Variants in CUX1 observed in about 807,000 individuals in gnomAD.
The protein encoded by CUX1 is cut like homeobox 1, also known as protein CASP.
Under a neutral mutation model 158.8 loss-of-function variants are expected in CUX1, and 31 were observed. The observed-to-expected ratio is 0.20, with a 90% CI of 0.15 to 0.26. CUX1 has a LOEUF of 0.26. CUX1 is among the 10% of genes least tolerant of loss of function. The pLI, the probability that CUX1 is intolerant of heterozygous loss-of-function variation, is 1.00. For missense variants in CUX1, 1,589 were observed against 2,014.6 expected, an observed-to-expected ratio of 0.79 and a Z score of 4.04; for synonymous variants, 879 against 862.1, an observed-to-expected ratio of 1.02 and a Z score of -0.34.
chr7:102,222,286 TTAAAA>T (rs1554527234), intron 20 of CUX1, among the ~76,000 whole-genome samples: 1 of 151,840 alleles, frequency 6.6e-6, no homozygotes, highest in African/African-American at 2.4e-5. Context: ...TCAAAAAAAA[TTAAAA>T]TGAGAGTGAA....
intron 1 of CUX1, among the ~76,000 whole-genome samples, chr7:101,880,429 T>A (rs1584864756): frequency 6.6e-6 from 1 of 152,204 alleles, no homozygotes; most frequent in South Asian, 2.1e-4. Context: ...ATCGGCCTCA[T>A]AAAGAAACAG....
At chr7:102,019,296 C>T (rs1202393100) in intron 2 of CUX1, among the ~76,000 whole-genome samples, 4 of 151,968 alleles carry the variant, frequency 2.6e-5, no homozygotes, top group East Asian at 3.9e-4. Flanking sequence ...GGCACAATCT[C>T]GGCTCACTGC....
chr7:102,201,276 C>T lies in CUX1; in HGVS notation c.2063-84C>T. 1 of 1,541,408 alleles carries T rather than the reference C, an allele frequency of 6.5e-7. No homozygotes were observed. The highest frequency in any genetic ancestry group is 1.2e-5 in the South Asian group (1 of 81,068). Reference sequence around the variant, plus strand: ...GTTCTCCCAAATAACCCACACTTTGCAGTAGGTCAAGTTAGGATGAGAAGC... The same window carrying T: ...GTTCTCCCAAATAACCCACACTTTGTAGTAGGTCAAGTTAGGATGAGAAGC... On this transcript the variant is annotated intron_variant, in intron 17 of 23. Coordinates refer to ENST00000292535, the MANE Select transcript of CUX1 (RefSeq NM_181552.4). The surrounding 1 kb of genome is among the most constrained non-coding windows in gnomAD (Gnocchi z 5.0).
chr7:102,259,199 G>A (rs781881843), downstream of CUX1, among the ~76,000 whole-genome samples: 1 of 152,180 alleles, frequency 6.6e-6, no homozygotes, highest in East Asian at 1.9e-4. Flanking sequence ...AGGTGCCCTC[G>A]GCAGCCCCGT....
At chr7:102,046,783 G>A (rs1157343064) in intron 3 of CUX1, among the ~76,000 whole-genome samples, 4 of 151,600 alleles carry the variant, frequency 2.6e-5, no homozygotes, top group East Asian at 3.9e-4. Flanking sequence ...GGCTTGCTAC[G>A]TTGCCCAAGA....
At chr7:102,153,238 C>G (rs1554504071) in intron 8 of CUX1, 1 of 152,326 alleles carries the variant, frequency 6.6e-6, no homozygotes. Context: ...CCCCATAAAC[C>G]TGGCAGGAAC....
intron 16 of CUX1, 43 bp downstream of exon 16, chr7:102,198,910 G>A: frequency 6.4e-7 from 1 of 1,553,622 alleles, no homozygotes; most frequent in East Asian, 2.2e-5. Flanking sequence ...AGTCACCTAG[G>A]GAAGCAGCAT....
intron 2 of CUX1, among the ~76,000 whole-genome samples, chr7:101,943,122 T>TTTTTTTTTTTTTTTTTTTTTTTG (rs1807923365): frequency 6.6e-6 from 1 of 150,826 alleles, no homozygotes; most frequent in Non-Finnish European, 1.5e-5. Flanking sequence ...TTTTTCTGTT[T>TTTTTTTTTTTTTTTTTTTTTTTG]TTGAGATGGA....
At position 102,270,124 on chromosome 7, in the gene CUX1, T is replaced by C. The variant is rs536777664; in HGVS notation, c.1256-3242T>C. Reference sequence around the variant, plus strand: ...AGGTTGAAGAACTTGCCGAAGATCGTGAAATTCATAAAAGGCAGGGCCAGA... The same window carrying C: ...AGGTTGAAGAACTTGCCGAAGATCGCGAAATTCATAAAAGGCAGGGCCAGA... On this transcript the variant is annotated intron_variant, in intron 14 of 22. Transcript: ENST00000292538. Among the ~76,000 whole-genome samples the C allele has an allele frequency of 2.0e-5, 3 of 152,276 alleles. No homozygotes were observed. The East Asian group carries it at 5.8e-4, about 29-fold the overall frequency.
intron 1 of CUX1, among the ~76,000 whole-genome samples, chr7:101,830,779 G>A (rs1793897620): frequency 6.6e-6 from 1 of 152,118 alleles, no homozygotes; most frequent in Non-Finnish European, 1.5e-5. Flanking sequence ...TTGCCTGCCT[G>A]ATTTTTTTAT....
intron 1 of CUX1, among the ~76,000 whole-genome samples, chr7:101,834,371 G>A (rs1008842341): frequency 2.0e-5 from 3 of 151,418 alleles, no homozygotes; most frequent in African/African-American, 7.3e-5. Flanking sequence ...ATGGGGTTTC[G>A]CCATGTTGCC....
chr7:102,231,050 G>A, intron 21 of CUX1, among the ~76,000 whole-genome samples: 1 of 139,838 alleles, frequency 7.2e-6, no homozygotes, highest in Non-Finnish European at 1.5e-5. Flanking sequence ...TTTTTTTTGA[G>A]ATGGAGTCTC....
rs1251224752 is a variant in CUX1 at position 101,895,913 on chromosome 7, T to TG, written c.31-20202_31-20201insG. ...AAAGTTTTTTTTTTGTTTTTGTTTTTTTTTTTTTTTTTTGGAGACAGGGTC... is the reference window on the plus strand; with the variant it reads ...AAAGTTTTTTTTTTGTTTTTGTTTTTGTTTTTTTTTTTTTGGAGACAGGGTC... On this transcript the variant is annotated intron_variant, in intron 1 of 23. Coordinates refer to ENST00000292535, the MANE Select transcript of CUX1 (RefSeq NM_181552.4). 5.4e-4 allele frequency among the ~76,000 whole-genome samples: 66 copies of TG among 121,754 alleles called. 1 individual carries two copies. Among genetic ancestry groups the TG allele is most frequent in the Middle Eastern group, 7.8e-3 (2 of 256 alleles). 79.9% of individuals were successfully genotyped at this position (121,754 alleles called of 152,430 possible).
intron 14 of CUX1, 37 bp from the exon 15 acceptor site, chr7:102,196,597 A>G: frequency 7.1e-7 from 1 of 1,417,012 alleles, no homozygotes; most frequent in Non-Finnish European, 9.3e-7. Context: ...CCCCTTTGGA[A>G]TCCCCCATAA....
intron 20 of CUX1, among the ~76,000 whole-genome samples, chr7:102,226,500 C>T (rs1798360478): frequency 6.6e-6 from 1 of 152,104 alleles, no homozygotes; most frequent in Non-Finnish European, 1.5e-5. Flanking sequence ...TGCACCACTG[C>T]ACTCCAGCCT....
chr7:102,062,390 A>G (rs557657918), intron 3 of CUX1, among the ~76,000 whole-genome samples: 2 of 152,312 alleles, frequency 1.3e-5, no homozygotes, highest in Admixed American at 6.5e-5. Flanking sequence ...CACCCCTTCC[A>G]TATCTCAGAG....
rs1252174537 is a variant in CUX1 at position 102,246,575 on chromosome 7, T to TG, written c.3888-1837_3888-1836insG. 2.9e-3 allele frequency among the ~76,000 whole-genome samples: 18 copies of TG among 6,114 alleles called. No homozygotes were observed. The East Asian group carries it at 0.37, about 125-fold the overall frequency. 4.0% of individuals were successfully genotyped at this position (6,114 alleles called of 152,430 possible). On this transcript the variant is annotated intron_variant, in intron 23 of 23. Coordinates refer to ENST00000292535, the MANE Select transcript of CUX1 (RefSeq NM_181552.4). ...AGAGTAGGAGCCCAGAAAACCTTTG[T>TG]TTTTTTTTTCCCTTGAGACAGGATC...
chr7:102,174,412 C>T (rs1009522331), intron 10 of CUX1, among the ~76,000 whole-genome samples: 4 of 152,216 alleles, frequency 2.6e-5, no homozygotes, highest in African/African-American at 7.2e-5. Context: ...AGCCACCGCA[C>T]CCAGCCTCCC....
At chr7:102,110,895 C>T (rs1830817709) in intron 6 of CUX1, among the ~76,000 whole-genome samples, 1 of 152,136 alleles carries the variant, frequency 6.6e-6, no homozygotes, top group Non-Finnish European at 1.5e-5. Flanking sequence ...TCTTTCACTT[C>T]CCATGCTCTT....
Sources: allele counts gnomAD v4.1 joint callset (sites outside exome capture counted in the v4.1 genomes callset), GRCh38; gene constraint gnomAD v4.1.1; non-coding constraint Gnocchi (gnomAD v3.1); transcripts MANE v1.5; gene names NCBI Gene and HGNC (gene_info 2026-07-23, HGNC 2026-07-21).